The following SVOPL variants were observed in gnomAD, a reference collection of about 807,000 sequenced individuals.
SVOPL encodes the protein SVOP like.
In SVOPL, 60 loss-of-function variants were observed where a neutral mutation model predicts 61.0. That is an observed-to-expected ratio of 0.98 (90% CI 0.80 to 1.22). SVOPL has a LOEUF of 1.22. SVOPL is among the 50% of genes most tolerant of loss of function. The pLI, the probability that SVOPL is intolerant of heterozygous loss-of-function variation, is 0.00. For synonymous variants in SVOPL, 279 were observed against 250.0 expected, an observed-to-expected ratio of 1.12 and a Z score of -1.09; for missense variants, 662 against 643.9, an observed-to-expected ratio of 1.03 and a Z score of -0.30.
chr7:138,603,466 T>C (rs1798614355), intron 14 of SVOPL, among the ~76,000 whole-genome samples: 1 of 152,120 alleles, frequency 6.6e-6, no homozygotes, highest in African/African-American at 2.4e-5. Flanking sequence ...GGTGGATCAA[T>C]TCAGGCCAGG....
At chr7:138,613,733 C>A (rs1219969855) in intron 14 of SVOPL, among the ~76,000 whole-genome samples, 2 of 152,004 alleles carry the variant, frequency 1.3e-5, no homozygotes, top group Non-Finnish European at 2.9e-5. Flanking sequence ...GATAAAGTAC[C>A]CAACTTGAAT....
In SVOPL at chr7:138,628,354, G is replaced by A. The variant is rs756127766; in HGVS notation, c.873C>T (p.Ile291=). The A allele has an allele frequency of 1.2e-6, 2 of 1,614,044 alleles. No individual in the cohort carries two copies. Among genetic ancestry groups the A allele is most frequent in the South Asian group, 1.1e-5 (1 of 91,074 alleles). The change falls in exon 11 of 16, where the codon ATC becomes ATT. Residue 291 remains isoleucine (I), a synonymous_variant. Coordinates refer to ENST00000674285, the MANE Select transcript of SVOPL (RefSeq NM_001139456.2). ...TLQIWVIWLG[I]SFAYYGVILA... ...GGATAACCCCATAGTAGGCAAAAGA[G>A]ATTCCAAGCCTGGAAGAGAGAAAAC...
intron 13 of SVOPL, among the ~76,000 whole-genome samples, chr7:138,625,699 G>A (rs1479815125): frequency 3.9e-5 from 6 of 152,166 alleles, no homozygotes. Flanking sequence ...TATTACTTCT[G>A]GAAGCCTAGT....
chr7:138,622,298 C>CTATG (rs1799702786), intron 13 of SVOPL, among the ~76,000 whole-genome samples: 1 of 120,072 alleles, frequency 8.3e-6, no homozygotes, highest in Non-Finnish European at 1.8e-5. Flanking sequence ...ATCTATCTAT[C>CTATG]TATCTATCTA....
At chr7:138,657,924 T>C (rs1271496531) in intron 6 of SVOPL, among the ~76,000 whole-genome samples, 1 of 152,174 alleles carries the variant, frequency 6.6e-6, no homozygotes, top group East Asian at 1.9e-4. Flanking sequence ...TTTTAGGCCA[T>C]TTAGGGTAAT....
Position 138,660,107 on chromosome 7 carries a change from C to A in SVOPL, c.346-119G>T, listed in dbSNP as rs73730411. 3,483 of 1,475,200 alleles carry A rather than the reference C, an allele frequency of 2.4e-3. 67 individuals are homozygous for A. In the African/African-American group the frequency reaches 0.029, roughly 12 times the overall value. The allele number at this position is 1,475,200 out of a possible 1,614,324, so 91.4% of individuals were successfully genotyped here. ...GATAGTTGCTTCTCTGAGGAGCTAA[C>A]CTGTAGCAAGCCCACTGGTCTTTCA... On this transcript the variant is annotated intron_variant, in intron 5 of 15. Transcript: ENST00000674285.
At chr7:138,602,739 C>A (rs1798584762) in intron 14 of SVOPL, among the ~76,000 whole-genome samples, 1 of 151,978 alleles carries the variant, frequency 6.6e-6, no homozygotes, top group Non-Finnish European at 1.5e-5. Flanking sequence ...CACCCCTAAC[C>A]ACAGTCCCCT....
chr7:138,687,272 G>A (rs1393119165), intron 1 of SVOPL, among the ~76,000 whole-genome samples: 4 of 116,916 alleles, frequency 3.4e-5, no homozygotes, highest in African/African-American at 1.0e-4. Context: ...TTTCACTAGC[G>A]TTGCCTAGGC....
At chr7:138,672,669 A>G (rs919205217) in intron 3 of SVOPL, among the ~76,000 whole-genome samples, 1 of 150,668 alleles carries the variant, frequency 6.6e-6, no homozygotes, top group African/African-American at 2.4e-5. Flanking sequence ...AAAAAAAAAA[A>G]AAAAAAGAAG....
intron 4 of SVOPL, 149 bp from the exon 5 acceptor site, chr7:138,663,294 C>T (rs1325765204): frequency 6.8e-7 from 1 of 1,463,338 alleles, no homozygotes; most frequent in Non-Finnish European, 9.0e-7. Context: ...TCTTGCTTGC[C>T]CCTGAGGCCC....
chr7:138,661,924 C>T, intron 5 of SVOPL: 1 of 985,454 alleles, frequency 1.0e-6, no homozygotes, highest in Non-Finnish European at 1.2e-6. Context: ...AGGTTCAGAG[C>T]AACACCACCC....
At chr7:138,657,322 A>AT (rs1801795998) in intron 6 of SVOPL, among the ~76,000 whole-genome samples, 1 of 151,880 alleles carries the variant, frequency 6.6e-6, no homozygotes. Context: ...CACCCAGCTA[A>AT]TTTTTAAATT....
chr7:138,678,629 A>C, intron 2 of SVOPL, 104 bp from the exon 3 acceptor site: 2 of 1,128,654 alleles, frequency 1.8e-6, no homozygotes, highest in Non-Finnish European at 2.5e-6. Context: ...AAACAAGTTA[A>C]TACGGGGGGT....
chr7:138,604,677 C>CAAAAAA (rs5887890), intron 14 of SVOPL, among the ~76,000 whole-genome samples: 9 of 58,790 alleles, frequency 1.5e-4, no homozygotes, highest in East Asian at 4.8e-4. Flanking sequence ...AACTTTATCT[C>CAAAAAA]AAAAAAAAAA....
chr7:138,682,862 G>T (rs1802727846), intron 1 of SVOPL, among the ~76,000 whole-genome samples: 1 of 151,454 alleles, frequency 6.6e-6, no homozygotes, highest in South Asian at 2.1e-4. Context: ...CAGCTACTCG[G>T]GAGGCTGAGG....
chr7:138,622,116 A>G (rs1452207504), intron 13 of SVOPL, among the ~76,000 whole-genome samples: 14 of 142,558 alleles, frequency 9.8e-5, no homozygotes, highest in African/African-American at 2.2e-4. Context: ...CTATCTATCT[A>G]TCTATGTATC....
chr7:138,615,993 TAAAATA>T (rs950046423), intron 14 of SVOPL, among the ~76,000 whole-genome samples: 10 of 146,114 alleles, frequency 6.8e-5, no homozygotes, highest in Non-Finnish European at 1.4e-4. Context: ...AATTTTTAAA[TAAAATA>T]AAAATAAAAG....
At chr7:138,670,615 C>G (rs981373194) in intron 4 of SVOPL, among the ~76,000 whole-genome samples, 2 of 152,164 alleles carry the variant, frequency 1.3e-5, no homozygotes, top group Non-Finnish European at 2.9e-5. Flanking sequence ...CCCTGTCAAC[C>G]AAACTATCTT....
At chr7:138,648,280 G>A (rs750776367) in intron 8 of SVOPL, among the ~76,000 whole-genome samples, 2 of 152,040 alleles carry the variant, frequency 1.3e-5, no homozygotes, top group Non-Finnish European at 2.9e-5. Context: ...AGGGCTGCCC[G>A]CTGGTTGAGA....
Sources: allele counts gnomAD v4.1 joint callset (sites outside exome capture counted in the v4.1 genomes callset), GRCh38; gene constraint gnomAD v4.1.1; transcripts MANE v1.5; gene names NCBI Gene and HGNC (gene_info 2026-07-23, HGNC 2026-07-21).